Variants in CD2AP observed in about 807,000 individuals in gnomAD.
CD2AP encodes the protein CD2 associated protein, also known as CD2-associated protein.
A neutral mutation model predicts 85.1 loss-of-function variants in CD2AP; 46 were observed. The observed-to-expected ratio is 0.54, with a 90% CI of 0.43 to 0.69. The LOEUF is 0.69. Ranked by LOEUF, CD2AP falls within the 30% of genes least tolerant of loss-of-function variation. The pLI is 0.00. For missense variants in CD2AP, 769 were observed against 729.5 expected, an observed-to-expected ratio of 1.05 and a Z score of -0.62; for synonymous variants, 255 against 252.9, an observed-to-expected ratio of 1.01 and a Z score of -0.08.
chr6:47,571,464 A>C (rs1289902014), intron 5 of CD2AP, among the ~76,000 whole-genome samples: 3 of 152,196 alleles, frequency 2.0e-5, no homozygotes, highest in African/African-American at 7.2e-5. Flanking sequence ...CATTATAAGG[A>C]AAGGGGACCT....
chr6:47,509,522 G>C (rs927492593), intron 2 of CD2AP, among the ~76,000 whole-genome samples: 1 of 152,126 alleles, frequency 6.6e-6, no homozygotes, highest in Non-Finnish European at 1.5e-5. Flanking sequence ...TGTTTTCAGA[G>C]GTGAAGTAAC....
intron 3 of CD2AP, among the ~76,000 whole-genome samples, chr6:47,543,179 G>GAAAAA (rs1301537174): frequency 7.9e-6 from 1 of 127,278 alleles, no homozygotes; most frequent in African/African-American, 2.8e-5. Context: ...AAAAGAAAAA[G>GAAAAA]AAAAAAGAAA....
intron 12 of CD2AP, among the ~76,000 whole-genome samples, chr6:47,596,413 T>A (rs1455786242): frequency 6.6e-6 from 1 of 152,122 alleles, no homozygotes; most frequent in Admixed American, 6.6e-5. Context: ...ATCTTCCCAC[T>A]CCCCTCCAAC....
intron 11 of CD2AP, among the ~76,000 whole-genome samples, chr6:47,585,140 T>C (rs945418876): frequency 2.2e-5 from 3 of 133,628 alleles, no homozygotes; most frequent in African/African-American, 8.2e-5. Context: ...AAAAATAAAA[T>C]AAAAAAAAAA....
At chr6:47,594,922 A>G (rs185013766) in intron 11 of CD2AP, among the ~76,000 whole-genome samples, 1 of 152,192 alleles carries the variant, frequency 6.6e-6, no homozygotes, top group East Asian at 1.9e-4. Context: ...TTGATATGAA[A>G]TCTTACAGAA....
intron 5 of CD2AP, among the ~76,000 whole-genome samples, chr6:47,569,801 A>G (rs894086982): frequency 6.6e-5 from 10 of 152,272 alleles, no homozygotes; most frequent in African/African-American, 2.4e-4. Flanking sequence ...CCAGGAGTCA[A>G]GGTATTATAC....
At chr6:47,525,819 A>T (rs772095099) in intron 2 of CD2AP, among the ~76,000 whole-genome samples, 1 of 152,062 alleles carries the variant, frequency 6.6e-6, no homozygotes, top group Non-Finnish European at 1.5e-5. Context: ...ATCTATATGG[A>T]GATTATCCAT....
At chr6:47,518,466 A>AT (rs1381481304) in intron 2 of CD2AP, among the ~76,000 whole-genome samples, 2 of 152,124 alleles carry the variant, frequency 1.3e-5, no homozygotes, top group Non-Finnish European at 1.5e-5. Context: ...ATTAATAATG[A>AT]TTGGCTTTTT....
At chr6:47,609,375 T>A in intron 16 of CD2AP, 71 bp downstream of exon 16, 2 of 1,255,432 alleles carry the variant, frequency 1.6e-6, no homozygotes, top group Non-Finnish European at 2.3e-6. Context: ...CAAACCATAT[T>A]AAGTAAAAAT....
chr6:47,571,014 C>T (rs1201253419), intron 5 of CD2AP, among the ~76,000 whole-genome samples: 2 of 152,088 alleles, frequency 1.3e-5, no homozygotes, highest in East Asian at 3.8e-4. Context: ...ATCCAAACCC[C>T]CTTCCCTGCC....
chr6:47,497,299 G>A (rs996393485), intron 1 of CD2AP, among the ~76,000 whole-genome samples: 6 of 97,906 alleles, frequency 6.1e-5, no homozygotes, highest in Non-Finnish European at 8.6e-5. Context: ...TCCTGTTCCC[G>A]TTCCCTTTTT....
chr6:47,589,488 ATG>A (rs1247243867), intron 11 of CD2AP, among the ~76,000 whole-genome samples: 1 of 150,380 alleles, frequency 6.6e-6, no homozygotes, highest in Non-Finnish European at 1.5e-5. Flanking sequence ...ACACATATGT[ATG>A]TGCACATATA....
chr6:47,610,949 T>TTTTA (rs1554183764), intron 16 of CD2AP, among the ~76,000 whole-genome samples: 3 of 114,224 alleles, frequency 2.6e-5, no homozygotes, highest in Admixed American at 1.7e-4. Flanking sequence ...TATTTCTGAT[T>TTTTA]TATATATATA....
chr6:47,600,159 G>A (rs533090926), intron 13 of CD2AP, among the ~76,000 whole-genome samples: 1 of 151,672 alleles, frequency 6.6e-6, no homozygotes, highest in East Asian at 1.9e-4. Context: ...TCTCATGTAT[G>A]TTCTTAGTTT....
intron 11 of CD2AP, among the ~76,000 whole-genome samples, chr6:47,589,375 A>AAT (rs1411752830): frequency 7.5e-3 from 35 of 4,688 alleles, no homozygotes; most frequent in Non-Finnish European, 0.015. Flanking sequence ...GGAACTCTTG[A>AAT]ATATACACAC....
intron 17 of CD2AP, among the ~76,000 whole-genome samples, chr6:47,615,889 C>G (rs1259131545): frequency 1.3e-5 from 2 of 150,634 alleles, no homozygotes; most frequent in African/African-American, 4.9e-5. Flanking sequence ...ACTCCGTTCT[C>G]CCACCTCGGT....
At chr6:47,519,940 A>G (rs1766542059) in intron 2 of CD2AP, among the ~76,000 whole-genome samples, 1 of 152,228 alleles carries the variant, frequency 6.6e-6, no homozygotes, top group Non-Finnish European at 1.5e-5. Flanking sequence ...AGTTAGCTTG[A>G]TTAGTCTATT....
intron 1 of CD2AP, among the ~76,000 whole-genome samples, chr6:47,481,058 T>A (rs541827931): frequency 6.6e-6 from 1 of 152,284 alleles, no homozygotes; most frequent in Admixed American, 6.5e-5. Flanking sequence ...TGTGAAAGAA[T>A]TTGGGAAGAG....
intron 2 of CD2AP, among the ~76,000 whole-genome samples, chr6:47,504,898 G>T (rs1036598766): frequency 1.3e-5 from 2 of 151,998 alleles, no homozygotes; most frequent in Non-Finnish European, 2.9e-5. Flanking sequence ...AATTGCTAAC[G>T]ATCATCTGAG....
Sources: gnomAD v4.1 joint callset for allele counts (sites outside exome capture counted in the v4.1 genomes callset) on GRCh38, gnomAD v4.1.1 for gene constraint, MANE v1.5 for transcripts, NCBI Gene and HGNC (gene_info 2026-07-23, HGNC 2026-07-21) for gene names.